EXOC3L4: variants seen among roughly 807,000 people sequenced by gnomAD.
The protein encoded by EXOC3L4 is exocyst complex component 3 like 4.
Under a neutral mutation model 69.7 loss-of-function variants are expected in EXOC3L4, and 62 were observed. The observed-to-expected ratio is 0.89, with a 90% confidence interval of 0.72 to 1.10. EXOC3L4 has a LOEUF of 1.10. EXOC3L4 is among the 50% of genes least tolerant of loss of function. The pLI is 0.00. For missense variants in EXOC3L4, 1,087 were observed against 1,034.8 expected (o/e 1.05, Z -0.69); for synonymous variants, 502 against 464.2 (o/e 1.08, Z -1.05).
rs1483166967 is a variant in EXOC3L4, at chr14:103,108,394, A to G, written c.1855-2A>G. On this transcript the variant is annotated splice_acceptor_variant, in intron 10 of 11. Transcript: ENST00000688303. LOFTEE classifies it high-confidence loss of function. Reference sequence around the variant, plus strand: ...GGGGCAGGCGGTGGCTCTGTCTCGCAGGGTTCCGAGGCCACATGGTTGGAC... The same window carrying G: ...GGGGCAGGCGGTGGCTCTGTCTCGCGGGGTTCCGAGGCCACATGGTTGGAC... 2 of 1,612,842 alleles carry G rather than the reference A, an allele frequency of 1.2e-6. No individual in the cohort carries two copies. Among genetic ancestry groups the G allele is most frequent in the African/African-American group, 1.3e-5 (1 of 74,886 alleles).
At chr14:103,099,393 A>G (rs919058300) in intron 1 of EXOC3L4, among the ~76,000 whole-genome samples, 3 of 152,118 alleles carry the variant, frequency 2.0e-5, no homozygotes, top group Non-Finnish European at 4.4e-5. Context: ...TGTCCCTGGG[A>G]CACCCCCTCC....
Position 103,095,319 on chromosome 14 carries a change from T to G in EXOC3L4, c.-17+479T>G, listed in dbSNP as rs376557507. Among the ~76,000 whole-genome samples the G allele has an allele frequency of 2.6e-4, 40 of 152,264 alleles. No homozygotes were observed. In the East Asian group the frequency reaches 6.4e-3, roughly 24 times the overall value. On this transcript the variant is annotated intron_variant, in intron 1 of 11. Coordinates refer to ENST00000688303, the MANE Select transcript of EXOC3L4 (RefSeq NM_001077594.2). ...TCAGGCTCACTCCCTGCCTTGCGGG[T>G]CTCCTGGTCTCCAGGCTCTGTAACT...
In EXOC3L4 at chr14:103,097,167, G is replaced by A. The variant is rs1346664571; in HGVS notation, c.-17+2327G>A. Among the ~76,000 whole-genome samples the A allele has an allele frequency of 6.6e-6, 1 of 152,010 alleles. No individual in the cohort carries two copies. Among genetic ancestry groups the A allele is most frequent in the African/African-American group, 2.4e-5 (1 of 41,382 alleles). ...TGGGGAAGTTCGGACTTGACTTCTC[G>A]GACACAGCTAGGGTGGCCCAGGGTG... On this transcript the variant is annotated intron_variant, in intron 1 of 11. Transcript: ENST00000688303. This position sits in a 1 kb window ranked among gnomAD's most constrained non-coding sequence, Gnocchi z 4.9.
intron 1 of EXOC3L4, among the ~76,000 whole-genome samples, chr14:103,096,902 G>T (rs1454409556): frequency 6.6e-6 from 1 of 152,216 alleles, no homozygotes; most frequent in Non-Finnish European, 1.5e-5. Flanking sequence ...ATGGCAGGTG[G>T]GGAAGTGAGA....
chr14:103,107,668 A>C lies in EXOC3L4; in HGVS notation c.1739A>C (p.Glu580Ala). ...GAGGTGCACCGGTTCGTGGTCCGCG[A>C]GTACCTGGCGCGGGCGCTGAGGCCA... ...LQEVHRFVVR[E>A]YLARALRPRE... The change falls in exon 10 of 12, where the codon GAG becomes GCG. Residue 580 changes from glutamate to alanine, a missense_variant. Transcript: ENST00000688303. The C allele has an allele frequency of 6.4e-7, 1 of 1,568,162 alleles. No individual in the cohort carries two copies. The highest frequency in any genetic ancestry group is 8.7e-7 in the Non-Finnish European group (1 of 1,155,932).
rs1483068497 is a variant in EXOC3L4 at position 103,100,464 on chromosome 14, C to G, written c.245C>G (p.Ser82Cys). The stretch of plus-strand genomic sequence containing the variant: ...GGCCTGTTCCGGCGAAGCTCCTGCT[C>G]CCTGTTCCGGTCCTTCCGGCAAGCC... The part of the protein sequence containing the change: ...DTGLFRRSSC[S>C]LFRSFRQALN... The change falls in exon 2 of 12, where the codon TCC becomes TGC. Residue 82 changes from serine (S) to cysteine (C), a missense_variant. By Grantham distance (112) the Ser-to-Cys change is moderately radical. Coordinates refer to ENST00000688303, the MANE Select transcript of EXOC3L4 (RefSeq NM_001077594.2). 1 of 1,613,330 alleles carries G rather than the reference C, an allele frequency of 6.2e-7. No homozygotes were observed. The highest frequency in any genetic ancestry group is 1.3e-5 in the African/African-American group (1 of 74,938).
chr14:103,104,190 C>T, intron 4 of EXOC3L4, 77 bp from the exon 5 acceptor site: 1 of 1,455,014 alleles, frequency 6.9e-7, no homozygotes, highest in Non-Finnish European at 9.1e-7. Context: ...TGTGACCCGA[C>T]AGGGCGGCCC....
rs1405355914 is a variant in EXOC3L4 at position 103,100,088 on chromosome 14, G to A, written c.-16-116G>A. On this transcript the variant is annotated intron_variant, in intron 1 of 11. Coordinates refer to ENST00000688303, the MANE Select transcript of EXOC3L4 (RefSeq NM_001077594.2). ...TGGTGATGCTTCCTTTTGACAGCCT[G>A]AGGGCTGCCTCCTCTGGAGAGCCTT... The A allele has an allele frequency of 4.3e-6, 5 of 1,171,106 alleles. No homozygotes were observed. In the Admixed American group the frequency reaches 1.2e-4, roughly 27 times the overall value. The allele number at this position is 1,171,106 out of a possible 1,614,324, so 72.5% of individuals were successfully genotyped here.
Position 103,110,097 on chromosome 14 carries a change from G to A in EXOC3L4, c.2043G>A (p.Leu681=), listed in dbSNP as rs1890843320. The change falls in exon 12 of 12, where the codon TTG becomes TTA. Residue 681 remains leucine, a synonymous_variant. Transcript: ENST00000688303. ...GCCGCCAGCGGAACCAGCATCTCTTGCAGCACACTCAAGACCTGCTGAGAG... is the reference window on the plus strand; with the variant it reads ...GCCGCCAGCGGAACCAGCATCTCTTACAGCACACTCAAGACCTGCTGAGAG... The part of the protein sequence containing the change: ...RLGRQRNQHL[L]QHTQDLLRAA... 1 of 1,595,174 alleles carries A rather than the reference G, an allele frequency of 6.3e-7. No individual in the cohort carries two copies. Among genetic ancestry groups the A allele is most frequent in the Non-Finnish European group, 8.5e-7 (1 of 1,171,920 alleles).
rs963282994 is a variant in EXOC3L4 at position 103,107,010 on chromosome 14, T to C, written c.1581+111T>C. ...ATTCATTTATTCCAGGGTGAGCTCA[T>C]GGGTGTGTGTGTAGGGTAGTGGGCA... On this transcript the variant is annotated intron_variant, in intron 8 of 11. Coordinates refer to ENST00000688303, the MANE Select transcript of EXOC3L4 (RefSeq NM_001077594.2). The C allele has an allele frequency of 4.3e-6, 4 of 933,104 alleles. No homozygotes were observed. The African/African-American group carries it at 6.7e-5, about 16-fold the overall frequency. 57.8% of individuals were successfully genotyped at this position (933,104 alleles called of 1,614,324 possible).
At chr14:103,094,449 G>T (rs891111180), upstream of EXOC3L4, among the ~76,000 whole-genome samples, 10 of 152,174 alleles carry the variant, frequency 6.6e-5, no homozygotes, top group Admixed American at 5.9e-4. Flanking sequence ...CAAAGGAGAG[G>T]TTGGTGGTGT....
intron 5 of EXOC3L4, 33 bp downstream of exon 5, chr14:103,104,422 G>T (rs778541701): frequency 1.3e-6 from 2 of 1,523,836 alleles, no homozygotes; most frequent in Non-Finnish European, 8.8e-7. Context: ...GAGAAGGGGC[G>T]TCTGTTCAAG....
rs559417224 is a variant in EXOC3L4, at chr14:103,097,156, C to T, written c.-17+2316C>T. ...GGTAGGGAGGGTGGGGAAGTTCGGA[C>T]TTGACTTCTCGGACACAGCTAGGGT... On this transcript the variant is annotated intron_variant, in intron 1 of 11. Transcript: ENST00000688303. This position sits in a 1 kb window ranked among gnomAD's most constrained non-coding sequence, Gnocchi z 4.9. Among the ~76,000 whole-genome samples, 1 of 152,054 alleles carries T rather than the reference C, an allele frequency of 6.6e-6. No individual in the cohort carries two copies. The highest frequency in any genetic ancestry group is 1.9e-4 in the East Asian group (1 of 5,164).
chr14:103,102,902 G>C, intron 3 of EXOC3L4, 130 bp downstream of exon 3: 4 of 983,346 alleles, frequency 4.1e-6, no homozygotes, highest in Non-Finnish European at 5.3e-6. Context: ...TGAGAGCCGA[G>C]GGCTTCGACA....
Position 103,110,113 on chromosome 14 carries a change from C to T in EXOC3L4, c.2059C>T (p.Leu687=), listed in dbSNP as rs1475508750. 1 of 1,570,802 alleles carries T rather than the reference C, an allele frequency of 6.4e-7. No individual in the cohort carries two copies. The highest frequency in any genetic ancestry group is 1.9e-5 in the Admixed American group (1 of 52,952). The stretch of plus-strand genomic sequence containing the variant: ...GCATCTCTTGCAGCACACTCAAGAC[C>T]TGCTGAGAGCTGCGGCCGGGGCGGC... The part of the protein sequence containing the change: ...NQHLLQHTQD[L]LRAAAGAAGA... The change falls in exon 12 of 12, where the codon CTG becomes TTG. Residue 687 remains leucine (L), a synonymous_variant. Coordinates refer to ENST00000688303, the MANE Select transcript of EXOC3L4 (RefSeq NM_001077594.2).
rs1208354099 is a variant in EXOC3L4, at chr14:103,102,469, T to A, written c.746T>A (p.Val249Glu). The A allele has an allele frequency of 1.2e-5, 17 of 1,449,286 alleles. No homozygotes were observed. The highest frequency in any genetic ancestry group is 1.5e-5 in the Non-Finnish European group (17 of 1,113,200). The allele number at this position is 1,449,286 out of a possible 1,614,324, so 89.8% of individuals were successfully genotyped here. A position where few individuals can be genotyped will look rare whatever the true frequency, so the allele number is the denominator to read the frequency against. Residue 249 changes from valine (V) to glutamate (E), a missense_variant, in exon 3 of 12, where the codon GTG (valine) becomes GAG (glutamate). Val to Glu is a moderately radical substitution (Grantham distance 121). Coordinates refer to ENST00000688303, the MANE Select transcript of EXOC3L4 (RefSeq NM_001077594.2). ...TGGCGCCAGCACTGGGAGGAGGCGG[T>A]GCGGCGAAGCGCTCAGGAGCGCGTG... ...RRWRQHWEEA[V>E]RRSAQERVRR...
chr14:103,110,013 G>T lies in EXOC3L4; in HGVS notation c.1977-18G>T. The T allele has an allele frequency of 1.3e-6, 2 of 1,575,112 alleles. No homozygotes were observed. The highest frequency in any genetic ancestry group is 8.6e-7 in the Non-Finnish European group (1 of 1,162,092). On this transcript the variant is annotated intron_variant, in intron 11 of 11. Transcript: ENST00000688303. The stretch of plus-strand genomic sequence containing the variant: ...GCGGAGGTGTAGGTCTGCAGTGAGT[G>T]CCCGCATGTCTCTGCAGGCGGGACC...
chr14:103,100,924 A>C (rs1391225667), intron 2 of EXOC3L4, among the ~76,000 whole-genome samples: 34 of 118,488 alleles, frequency 2.9e-4, no homozygotes, highest in Non-Finnish European at 5.1e-4. Flanking sequence ...TTTTTTTGAC[A>C]CTGACTCTCA....
In EXOC3L4 at chr14:103,097,002, G is replaced by A. The variant is rs927964525; in HGVS notation, c.-17+2162G>A. Among the ~76,000 whole-genome samples the A allele has an allele frequency of 3.3e-5, 5 of 152,180 alleles. No homozygotes were observed. The highest frequency in any genetic ancestry group is 9.7e-5 in the African/African-American group (4 of 41,436). ...CCTTTGGAGCGTTGAGGAGTGGAGC[G>A]ATGGTCCAGTCCCAGCGTAGTTGGG... is the stretch of plus-strand genomic sequence containing the variant. On this transcript the variant is annotated intron_variant, in intron 1 of 11. Transcript: ENST00000688303. The surrounding 1 kb of genome is among the most constrained non-coding windows in gnomAD (Gnocchi z 4.9).
Sources: gnomAD v4.1 joint callset for allele counts (sites outside exome capture counted in the v4.1 genomes callset) on GRCh38, gnomAD v4.1.1 for gene constraint, Gnocchi (gnomAD v3.1) non-coding constraint, MANE v1.5 for transcripts, NCBI Gene and HGNC (gene_info 2026-07-23, HGNC 2026-07-21) for gene names.